The following SDHAF3 variants were observed in gnomAD, a reference collection of about 807,000 sequenced individuals.
SDHAF3 encodes the protein succinate dehydrogenase assembly factor 3, mitochondrial.
SDHAF3 carries 18 observed loss-of-function variants against 11.5 expected under a neutral mutation model. The observed-to-expected ratio is 1.56, with a 90% CI of 1.08 to 2.32. The LOEUF (loss-of-function observed/expected upper bound fraction) is 2.32, where lower values mean the gene tolerates loss of function less well. SDHAF3 is among the 30% of genes most tolerant of loss of function. SDHAF3 has a pLI of 0.00. For synonymous variants in SDHAF3, 72 were observed against 59.3 expected, an observed-to-expected ratio of 1.21 and a Z score of -0.99; for missense variants, 200 against 154.4, an observed-to-expected ratio of 1.30 and a Z score of -1.57.
At chr7:97,164,339 G>A (rs988641807) in intron 1 of SDHAF3, among the ~76,000 whole-genome samples, 8 of 150,618 alleles carry the variant, frequency 5.3e-5, no homozygotes, top group Non-Finnish European at 1.0e-4. Flanking sequence ...ATGGTGGCAA[G>A]GTAATTATTA....
chr7:97,145,194 C>A (rs1003024016), intron 1 of SDHAF3, among the ~76,000 whole-genome samples: 6 of 151,560 alleles, frequency 4.0e-5, no homozygotes, highest in African/African-American at 1.5e-4. Flanking sequence ...TTTATCAGTT[C>A]TAGGAGCTTG....
At chr7:97,164,662 A>G (rs1397069837) in intron 1 of SDHAF3, among the ~76,000 whole-genome samples, 1 of 152,136 alleles carries the variant, frequency 6.6e-6, no homozygotes, top group African/African-American at 2.4e-5. Context: ...GGTGTGAGCC[A>G]GCGTGCCTTT....
chr7:97,120,480 C>A (rs983619332), intron 1 of SDHAF3, among the ~76,000 whole-genome samples: 1 of 151,894 alleles, frequency 6.6e-6, no homozygotes, highest in South Asian at 2.1e-4. Flanking sequence ...CTTAAGACTT[C>A]CAAGTCTTTT....
At chr7:97,169,715 AAAAG>A (rs1394733942) in intron 1 of SDHAF3, among the ~76,000 whole-genome samples, 2 of 152,098 alleles carry the variant, frequency 1.3e-5, no homozygotes, top group Non-Finnish European at 2.9e-5. Flanking sequence ...CTGTAGAGTG[AAAAG>A]AAAAAGCCTG....
intron 1 of SDHAF3, among the ~76,000 whole-genome samples, chr7:97,168,620 G>C (rs185443556): frequency 6.6e-6 from 1 of 152,134 alleles, no homozygotes; most frequent in Non-Finnish European, 1.5e-5. Context: ...TAATCTTAAG[G>C]TGTGGGCTAA....
intron 1 of SDHAF3, among the ~76,000 whole-genome samples, chr7:97,121,729 G>A (rs1434589143): frequency 1.3e-5 from 2 of 152,098 alleles, no homozygotes; most frequent in Non-Finnish European, 2.9e-5. Flanking sequence ...AGCTACACAA[G>A]ATGGTTAAGT....
chr7:97,179,852 T>C (rs1292788092), intron 1 of SDHAF3, among the ~76,000 whole-genome samples: 3 of 152,190 alleles, frequency 2.0e-5, no homozygotes, highest in Non-Finnish European at 2.9e-5. Context: ...GGAAAAAATA[T>C]TTTCTCCATA....
intron 1 of SDHAF3, among the ~76,000 whole-genome samples, chr7:97,151,612 C>T (rs1402940784): frequency 6.6e-6 from 1 of 151,716 alleles, no homozygotes; most frequent in Non-Finnish European, 1.5e-5. Flanking sequence ...CATTCTCCTG[C>T]CTCAGCCTCC....
chr7:97,158,501 AT>A (rs1466823053), intron 1 of SDHAF3, among the ~76,000 whole-genome samples: 2 of 151,984 alleles, frequency 1.3e-5, no homozygotes, highest in Non-Finnish European at 2.9e-5. Flanking sequence ...TAATTTTTGT[AT>A]TTTTAATAGA....
intron 1 of SDHAF3, among the ~76,000 whole-genome samples, chr7:97,152,803 C>T (rs1437382912): frequency 6.6e-6 from 1 of 152,168 alleles, no homozygotes; most frequent in East Asian, 1.9e-4. Context: ...ATGTGTGCCA[C>T]CATGCCCAGC....
intron 1 of SDHAF3, among the ~76,000 whole-genome samples, chr7:97,173,445 C>G (rs1330627253): frequency 6.6e-6 from 1 of 152,104 alleles, no homozygotes; most frequent in Non-Finnish European, 1.5e-5. Context: ...ATTTCTCTTT[C>G]TCCCAGATTT....
intron 1 of SDHAF3, among the ~76,000 whole-genome samples, chr7:97,168,002 G>T (rs1217162851): frequency 6.6e-6 from 1 of 152,162 alleles, no homozygotes; most frequent in African/African-American, 2.4e-5. Context: ...CGTGCACTGG[G>T]GGGAATGGGG....
intron 1 of SDHAF3, among the ~76,000 whole-genome samples, chr7:97,144,267 T>C (rs1162023334): frequency 2.0e-5 from 3 of 152,238 alleles, no homozygotes. Context: ...TGTGAAGATT[T>C]TCTCCCACTC....
chr7:97,129,459 G>A (rs1440413845), intron 1 of SDHAF3, among the ~76,000 whole-genome samples: 1 of 152,082 alleles, frequency 6.6e-6, no homozygotes, highest in East Asian at 1.9e-4. Flanking sequence ...CTCCATTCTT[G>A]TTCTCTAGTC....
At chr7:97,158,066 A>T (rs143983529) in intron 1 of SDHAF3, among the ~76,000 whole-genome samples, 1 of 152,092 alleles carries the variant, frequency 6.6e-6, no homozygotes, top group Non-Finnish European at 1.5e-5. Context: ...GAGCACACCA[A>T]CATGGCACAT....
In SDHAF3 at chr7:97,126,265, G is replaced by A. The variant is rs142158615; in HGVS notation, c.174+8368G>A. Among the ~76,000 whole-genome samples the A allele has an allele frequency of 2.5e-3, 378 of 152,334 alleles. 1 individual carries two copies. Among genetic ancestry groups the A allele is most frequent in the African/African-American group, 8.9e-3 (370 of 41,578 alleles). ...CTGTTGGGAGGTCTCTTCCAGTCAG[G>A]AGGCATGGGGGTCAAAGACCCAGTT... On this transcript the variant is annotated intron_variant, in intron 1 of 1. Coordinates refer to ENST00000432641, the MANE Select transcript of SDHAF3 (RefSeq NM_020186.3).
At chr7:97,141,703 C>G (rs1474952715) in intron 1 of SDHAF3, among the ~76,000 whole-genome samples, 1 of 152,078 alleles carries the variant, frequency 6.6e-6, no homozygotes, top group African/African-American at 2.4e-5. Flanking sequence ...ACTGTGTTAG[C>G]CAGGATGGTC....
At chr7:97,137,681 C>A (rs557045677) in intron 1 of SDHAF3, among the ~76,000 whole-genome samples, 1 of 152,134 alleles carries the variant, frequency 6.6e-6, no homozygotes, top group South Asian at 2.1e-4. Flanking sequence ...AGGGTGAGAC[C>A]CATTGTGTCT....
intron 1 of SDHAF3, among the ~76,000 whole-genome samples, chr7:97,157,986 G>A (rs1789330215): frequency 7.2e-6 from 1 of 139,778 alleles, no homozygotes; most frequent in Non-Finnish European, 1.6e-5. Flanking sequence ...TGGGGGAAGG[G>A]ATAGGATTAG....
Sources: gnomAD v4.1 joint callset for allele counts (sites outside exome capture counted in the v4.1 genomes callset) on GRCh38, gnomAD v4.1.1 for gene constraint, MANE v1.5 for transcripts, NCBI Gene and HGNC (gene_info 2026-07-23, HGNC 2026-07-21) for gene names.